Variants in KCNK10 observed in about 807,000 individuals in gnomAD.
KCNK10 encodes the protein potassium two pore domain channel subfamily K member 10.
A neutral mutation model predicts 47.7 loss-of-function variants in KCNK10; 25 were observed. The ratio of observed to expected loss-of-function variants is 0.52; its 90% CI spans 0.38 to 0.73. KCNK10 has a LOEUF of 0.73. Ranked by LOEUF, KCNK10 falls within the 30% of genes least tolerant of loss-of-function variation. KCNK10 has a pLI of 0.00. For synonymous variants in KCNK10, 303 were observed against 285.6 expected (o/e 1.06, Z -0.61); for missense variants, 563 against 714.5 (o/e 0.79, Z 2.42).
At chr14:88,212,878 G>A (rs956526442) in intron 4 of KCNK10, among the ~76,000 whole-genome samples, 1 of 152,218 alleles carries the variant, frequency 6.6e-6, no homozygotes, top group Admixed American at 6.5e-5. Flanking sequence ...GTTCAGGAGA[G>A]TGCAGTTTGT....
chr14:88,289,364 G>A (rs1275164511), intron 1 of KCNK10, among the ~76,000 whole-genome samples: 1 of 152,188 alleles, frequency 6.6e-6, no homozygotes, highest in Non-Finnish European at 1.5e-5. Context: ...CATTAGTGTG[G>A]TGTAAGTGAT....
chr14:88,258,542 G>A (rs1286750675), intron 2 of KCNK10, among the ~76,000 whole-genome samples: 3 of 152,170 alleles, frequency 2.0e-5, no homozygotes. Flanking sequence ...GCTTGACTCG[G>A]CCTCCCACAG....
At chr14:88,221,297 G>T (rs1213456047) in intron 4 of KCNK10, among the ~76,000 whole-genome samples, 1 of 85,042 alleles carries the variant, frequency 1.2e-5, no homozygotes, top group African/African-American at 7.2e-5. Flanking sequence ...GTGAGACTCT[G>T]TCTCAATAAT....
chr14:88,191,660 A>C (rs776662002), intron 5 of KCNK10, among the ~76,000 whole-genome samples: 7 of 152,048 alleles, frequency 4.6e-5, no homozygotes, highest in Non-Finnish European at 1.0e-4. Flanking sequence ...AAGGAAGGCT[A>C]TTGCTTGTAT....
chr14:88,250,223 A>T (rs1031584874), intron 2 of KCNK10, among the ~76,000 whole-genome samples: 14 of 152,262 alleles, frequency 9.2e-5, no homozygotes, highest in Admixed American at 5.9e-4. Context: ...GATCTCCTTC[A>T]CTAAACAGTG....
upstream of KCNK10, among the ~76,000 whole-genome samples, chr14:88,325,837 C>T (rs936212918): frequency 2.6e-5 from 4 of 152,102 alleles, no homozygotes; most frequent in East Asian, 1.9e-4. Context: ...ATTTATTGAG[C>T]ATCACTTGTG....
intron 2 of KCNK10, among the ~76,000 whole-genome samples, chr14:88,254,692 G>A (rs905501803): frequency 1.1e-4 from 16 of 152,176 alleles, no homozygotes; most frequent in African/African-American, 3.9e-4. Flanking sequence ...CTGGGAACAG[G>A]GAGATAAGCA....
At chr14:88,264,076 G>A (rs1049094247) in intron 1 of KCNK10, among the ~76,000 whole-genome samples, 3 of 152,162 alleles carry the variant, frequency 2.0e-5, no homozygotes, top group African/African-American at 7.2e-5. Context: ...AAAAAAGGAT[G>A]AGCTTGTTAT....
At chr14:88,192,036 GA>G (rs551377195) in intron 5 of KCNK10, among the ~76,000 whole-genome samples, 187 bp downstream of exon 5, 5 of 152,056 alleles carry the variant, frequency 3.3e-5, no homozygotes, top group Admixed American at 6.5e-5. Flanking sequence ...TTTCATAGCA[GA>G]AAAAAACCTA....
At chr14:88,285,144 C>G (rs1887733375) in intron 1 of KCNK10, among the ~76,000 whole-genome samples, 1 of 152,186 alleles carries the variant, frequency 6.6e-6, no homozygotes, top group Non-Finnish European at 1.5e-5. Flanking sequence ...TGGAGTCTCA[C>G]TCTGTGGCCC....
chr14:88,299,333 G>A (rs1595128262), intron 1 of KCNK10, among the ~76,000 whole-genome samples: 3 of 152,148 alleles, frequency 2.0e-5, no homozygotes, highest in Admixed American at 1.3e-4. Flanking sequence ...TGCTTTACAT[G>A]GCAGAGATTG....
chr14:88,229,086 C>T (rs1886077818), intron 3 of KCNK10, among the ~76,000 whole-genome samples: 4 of 152,184 alleles, frequency 2.6e-5, no homozygotes, highest in Admixed American at 6.5e-5. Context: ...ACACTGAAGA[C>T]CCCAGCTTGA....
intron 4 of KCNK10, among the ~76,000 whole-genome samples, chr14:88,220,068 A>G (rs1198410386): frequency 6.6e-6 from 1 of 152,168 alleles, no homozygotes; most frequent in Non-Finnish European, 1.5e-5. Flanking sequence ...ATGTCAACAC[A>G]ATATTGAAAA....
intron 3 of KCNK10, among the ~76,000 whole-genome samples, chr14:88,233,628 C>T (rs887339285): frequency 6.6e-6 from 1 of 152,192 alleles, no homozygotes; most frequent in Non-Finnish European, 1.5e-5. Flanking sequence ...TCAAAGATTC[C>T]GGTGTAAGCA....
At chr14:88,229,646 C>T (rs1886099852) in intron 3 of KCNK10, among the ~76,000 whole-genome samples, 1 of 152,188 alleles carries the variant, frequency 6.6e-6, no homozygotes, top group Non-Finnish European at 1.5e-5. Context: ...TGACACACTG[C>T]CCAGTGGACA....
intron 2 of KCNK10, among the ~76,000 whole-genome samples, chr14:88,243,907 T>C (rs1886550020): frequency 6.6e-6 from 1 of 151,058 alleles, no homozygotes; most frequent in South Asian, 2.1e-4. Context: ...AATTCCTCTC[T>C]CCCTGCCAAA....
intron 1 of KCNK10, among the ~76,000 whole-genome samples, chr14:88,319,389 A>G (rs1208624434): frequency 1.3e-5 from 2 of 152,166 alleles, no homozygotes; most frequent in Non-Finnish European, 1.5e-5. Flanking sequence ...GACATATCCT[A>G]CAGTCCAAGT....
chr14:88,263,676 G>T, intron 1 of KCNK10, 125 bp from the exon 2 acceptor site: 2 of 849,412 alleles, frequency 2.4e-6, no homozygotes, highest in South Asian at 1.8e-5. Context: ...TGAAACGCTG[G>T]TTCACCAAGC....
intron 4 of KCNK10, 58 bp from the exon 5 acceptor site, chr14:88,192,468 T>C (rs1449439495): frequency 6.9e-7 from 1 of 1,448,476 alleles, no homozygotes; most frequent in African/African-American, 1.4e-5. Context: ...GGATTCAGGA[T>C]ATAGATGCAC....
Sources: gnomAD v4.1 joint callset for allele counts (sites outside exome capture counted in the v4.1 genomes callset) on GRCh38, gnomAD v4.1.1 for gene constraint, MANE v1.5 for transcripts, NCBI Gene and HGNC (gene_info 2026-07-23, HGNC 2026-07-21) for gene names.